Variants in ITPR1 observed in about 807,000 individuals in gnomAD.
ITPR1 encodes the protein inositol 1,4,5-trisphosphate receptor type 1.
Under a neutral mutation model 318.4 loss-of-function variants are expected in ITPR1, and 96 were observed. That is an observed-to-expected ratio of 0.30 (90% CI 0.26 to 0.36). The LOEUF (loss-of-function observed/expected upper bound fraction) is 0.36. Ranked by LOEUF, ITPR1 falls within the 10% of genes least tolerant of loss-of-function variation. The probability of loss-of-function intolerance (pLI) is 1.00; values close to 1 mark genes in which losing one functional copy is unlikely to be tolerated. For missense variants in ITPR1, 2,440 were observed against 3,460.2 expected (o/e 0.71, Z 7.40); for synonymous variants, 1,312 against 1,289.9 (o/e 1.02, Z -0.37).
intron 4 of ITPR1, among the ~76,000 whole-genome samples, chr3:4,590,512 T>C (rs1003492097): frequency 6.7e-6 from 1 of 150,132 alleles, no homozygotes; most frequent in African/African-American, 2.4e-5. Flanking sequence ...CTCCATGTAT[T>C]TTGTTCTTCT....
chr3:4,580,277 G>A (rs946255833), intron 4 of ITPR1, among the ~76,000 whole-genome samples: 1 of 152,178 alleles, frequency 6.6e-6, no homozygotes, highest in Admixed American at 6.5e-5. Flanking sequence ...CCTTGATGGA[G>A]GATATTAACA....
At chr3:4,752,190 C>T (rs1157461387) in intron 44 of ITPR1, among the ~76,000 whole-genome samples, 2 of 152,154 alleles carry the variant, frequency 1.3e-5, no homozygotes, top group Non-Finnish European at 2.9e-5. Flanking sequence ...TGCAGTTGCC[C>T]TCACCATATG....
At chr3:4,675,026 G>A (rs753926825) in intron 22 of ITPR1, 42 bp from the exon 23 acceptor site, 6 of 1,143,786 alleles carry the variant, frequency 5.2e-6, no homozygotes, top group East Asian at 2.4e-5. Context: ...AGGGGATGCA[G>A]TTTATGTAAT....
At chr3:4,823,134 T>G (rs1182952784) in intron 60 of ITPR1, among the ~76,000 whole-genome samples, 2 of 152,236 alleles carry the variant, frequency 1.3e-5, no homozygotes, top group Non-Finnish European at 2.9e-5. Flanking sequence ...GCCATGCTAT[T>G]GGAGCTATTT....
chr3:4,721,662 C>T (rs905439028), intron 40 of ITPR1, among the ~76,000 whole-genome samples: 8 of 152,122 alleles, frequency 5.3e-5, no homozygotes, highest in African/African-American at 9.7e-5. Flanking sequence ...ACTAGATCTA[C>T]GGTACAGTTA....
At chr3:4,623,285 C>G (rs1037589460) in intron 4 of ITPR1, among the ~76,000 whole-genome samples, 9 of 152,212 alleles carry the variant, frequency 5.9e-5, no homozygotes, top group African/African-American at 2.2e-4. Context: ...TCTAGCCCAC[C>G]CAGCCCCTTA....
intron 53 of ITPR1, among the ~76,000 whole-genome samples, chr3:4,799,574 A>C (rs1243908711): frequency 1.3e-5 from 2 of 152,162 alleles, no homozygotes; most frequent in Non-Finnish European, 2.9e-5. Flanking sequence ...AGTGGCCTTA[A>C]TCATGTAGTG....
At chr3:4,534,533 A>G (rs1395806420) in intron 4 of ITPR1, among the ~76,000 whole-genome samples, 1 of 152,230 alleles carries the variant, frequency 6.6e-6, no homozygotes, top group Non-Finnish European at 1.5e-5. Context: ...TTTCCTTTCC[A>G]AAACAATAGC....
At chr3:4,844,094 A>G (rs936535502) in intron 61 of ITPR1, among the ~76,000 whole-genome samples, 1 of 151,088 alleles carries the variant, frequency 6.6e-6, no homozygotes, top group African/African-American at 2.4e-5. Flanking sequence ...TGAGTAAAGT[A>G]TCCTTCAATA....
At position 4,706,269 on chromosome 3, in the gene ITPR1, G is replaced by A. The variant is rs1206865015; in HGVS notation, c.4760G>A (p.Arg1587Gln). ...GTGCAGAAAACAGCCATGAACTGGCGGCTCTCAGCCCGCAATGCCGCACGC... is the reference window on the plus strand; with the variant it reads ...GTGCAGAAAACAGCCATGAACTGGCAGCTCTCAGCCCGCAATGCCGCACGC... ...SIVQKTAMNW[R>Q]LSARNAARRD... is the part of the protein sequence containing the mutation. Residue 1587 changes from arginine (R) to glutamine (Q), a missense_variant, in exon 37 of 62, where the codon CGG becomes CAG. Transcript: ENST00000649015. 5 of 1,613,864 alleles carry A rather than the reference G, an allele frequency of 3.1e-6. No homozygotes were observed. The highest frequency in any genetic ancestry group is 4.2e-6 in the Non-Finnish European group (5 of 1,179,880).
chr3:4,717,292 G>C (rs2041841157), intron 39 of ITPR1, 75 bp from the exon 40 acceptor site: 2 of 1,243,340 alleles, frequency 1.6e-6, no homozygotes, highest in Non-Finnish European at 2.3e-6. Flanking sequence ...TAAGAGTAAA[G>C]TCTATAAACT....
At chr3:4,834,531 C>T (rs2050751416) in intron 60 of ITPR1, among the ~76,000 whole-genome samples, 1 of 152,200 alleles carries the variant, frequency 6.6e-6, no homozygotes, top group Non-Finnish European at 1.5e-5. Flanking sequence ...GTCATCCCTC[C>T]TCCCCTCGCC....
chr3:4,673,495 T>C, intron 21 of ITPR1, 108 bp downstream of exon 21: 1 of 1,177,440 alleles, frequency 8.5e-7, no homozygotes. Flanking sequence ...TGGTTTTTTC[T>C]TCAAGCTTAA....
chr3:4,825,269 A>G (rs1366666434), intron 60 of ITPR1, among the ~76,000 whole-genome samples: 1 of 152,158 alleles, frequency 6.6e-6, no homozygotes, highest in African/African-American at 2.4e-5. Context: ...TGACCTCTTC[A>G]GAAACTAGCT....
intron 15 of ITPR1, among the ~76,000 whole-genome samples, chr3:4,662,570 A>G (rs888606013): frequency 1.3e-5 from 2 of 152,082 alleles, no homozygotes; most frequent in African/African-American, 4.8e-5. Context: ...TAAAAATACA[A>G]AAATTAGCCA....
chr3:4,753,097 G>A (rs926072984), intron 44 of ITPR1, among the ~76,000 whole-genome samples: 16 of 152,212 alleles, frequency 1.1e-4, no homozygotes, highest in African/African-American at 3.6e-4. Flanking sequence ...GAGTAGCAGA[G>A]GGCAAGAGTA....
intron 44 of ITPR1, among the ~76,000 whole-genome samples, chr3:4,763,636 A>G (rs1032400987): frequency 6.6e-6 from 1 of 152,238 alleles, no homozygotes; most frequent in Non-Finnish European, 1.5e-5. Flanking sequence ...AGCACATTCT[A>G]TCAATAAAGC....
chr3:4,711,160 A>C lies in ITPR1; in HGVS notation c.4992-597A>C, dbSNP rs148097262. On this transcript the variant is annotated intron_variant, in intron 38 of 61. Coordinates refer to ENST00000649015, the MANE Select transcript of ITPR1 (RefSeq NM_001378452.1). ...CAGGAAGCAGAGGCTACAGTGAGCC[A>C]AGATCGCGCTACTGCACTCCAGCCT... Among the ~76,000 whole-genome samples, 657 of 150,870 alleles carry C rather than the reference A, an allele frequency of 4.4e-3. 5 individuals carry two copies. The highest frequency in any genetic ancestry group is 0.015 in the African/African-American group (613 of 40,976).
intron 44 of ITPR1, chr3:4,749,580 A>G (rs987352797): frequency 2.6e-5 from 4 of 152,216 alleles, no homozygotes; most frequent in Non-Finnish European, 5.9e-5. Context: ...AGACATTTGC[A>G]TTGGAAACTT....
Sources: allele counts gnomAD v4.1 joint callset (sites outside exome capture counted in the v4.1 genomes callset), GRCh38; gene constraint gnomAD v4.1.1; transcripts MANE v1.5; gene names NCBI Gene and HGNC (gene_info 2026-07-23, HGNC 2026-07-21).